Variants in MMP10 observed in about 807,000 individuals in gnomAD.
MMP10 encodes stromelysin-2.
MMP10 carries 50 observed loss-of-function variants against 49.1 expected under a neutral mutation model. That is an observed-to-expected ratio of 1.02 (90% CI 0.81 to 1.29). MMP10 has a LOEUF of 1.29. Ranked by LOEUF, MMP10 falls within the 50% of genes most tolerant of loss-of-function variation. The pLI is 0.00. For missense variants in MMP10, 613 were observed against 563.8 expected, an observed-to-expected ratio of 1.09 and a Z score of -0.88; for synonymous variants, 229 against 201.6, an observed-to-expected ratio of 1.14 and a Z score of -1.15.
At chr11:102,775,785 G>T (rs891494968) in intron 6 of MMP10, among the ~76,000 whole-genome samples, 1 of 152,062 alleles carries the variant, frequency 6.6e-6, no homozygotes, top group African/African-American at 2.4e-5. Context: ...TTAAATAGTA[G>T]CATATATTAG....
rs773398657 is a variant in MMP10 at position 102,772,041 on chromosome 11, G to C, written c.1301C>G (p.Pro434Arg). The C allele has an allele frequency of 1.2e-6, 2 of 1,613,214 alleles. No homozygotes were observed. Among genetic ancestry groups the C allele is most frequent in the Non-Finnish European group, 1.7e-6 (2 of 1,179,344 alleles). The change falls in exon 9 of 10, where the codon CCT (proline) becomes CGT (arginine). Residue 434 changes from proline (P) to arginine (R), a missense_variant. Pro to Arg is a moderately radical substitution (Grantham distance 103). Coordinates refer to ENST00000279441, the MANE Select transcript of MMP10 (RefSeq NM_002425.3). This position sits in a 1 kb window ranked among gnomAD's most constrained non-coding sequence, Gnocchi z 4.4. The stretch of plus-strand genomic sequence containing the variant: ...TGCCTGTAATACAGCATCAACCTTA[G>C]GCTCAACTCCTGGAAAGTCATCAGC... ...LIADDFPGVE[P>R]KVDAVLQAFG...
In MMP10 at chr11:102,778,606, G is replaced by A. The variant is rs17860956; in HGVS notation, c.622+18C>T. The stretch of plus-strand genomic sequence containing the variant: ...TGGACATTATTCCTGAAATGTTCCC[G>A]AGAGGTTTACGACCCACCTGATGCA... On this transcript the variant is annotated intron_variant, in intron 4 of 9. Transcript: ENST00000279441. 1,847 of 1,612,188 alleles carry A rather than the reference G, an allele frequency of 1.1e-3. 23 individuals carry two copies. In the African/African-American group the frequency reaches 0.022, roughly 19 times the overall value.
intron 6 of MMP10, 61 bp from the exon 7 acceptor site, chr11:102,775,382 C>CT (rs969954501): frequency 2.4e-4 from 342 of 1,406,164 alleles, no homozygotes; most frequent in South Asian, 4.6e-4. Context: ...AAAAAAAATT[C>CT]TTTTTTTTTA....
chr11:102,777,376 C>T (rs990394570), intron 4 of MMP10, among the ~76,000 whole-genome samples: 10 of 152,050 alleles, frequency 6.6e-5, no homozygotes, highest in African/African-American at 2.4e-4. Flanking sequence ...GTGCCTCAGC[C>T]TCCTGAGTAG....
chr11:102,772,242 T>C lies in MMP10; in HGVS notation c.1227-127A>G. ...ACTTTTTAAGTTGTGTAAAAAAGTG[T>C]TAAACATTTTTAGAGCTACAAGAAT... On this transcript the variant is annotated intron_variant, in intron 8 of 9. Transcript: ENST00000279441. The surrounding 1 kb of genome is among the most constrained non-coding windows in gnomAD (Gnocchi z 4.4). The C allele has an allele frequency of 1.7e-6, 1 of 592,290 alleles. No homozygotes were observed. Among genetic ancestry groups the C allele is most frequent in the Admixed American group, 3.4e-5 (1 of 29,518 alleles). 36.7% of individuals were successfully genotyped at this position (592,290 alleles called of 1,614,324 possible). A position where few individuals can be genotyped will look rare whatever the true frequency, so the allele number is the denominator to read the frequency against.
rs760626821 is a variant in MMP10 at position 102,776,653 on chromosome 11, C to T, written c.746G>A (p.Arg249His). Residue 249 changes from arginine (R) to histidine (H), a missense_variant, in exon 5 of 10, where the codon CGC becomes CAC. Transcript: ENST00000279441. ...YNSFTELAQF[R>H]LSQDDVNGIQ... ...GCCATTCACATCATCTTGCGAAAGG[C>T]GGAACTGGGCGAGCTCTGTGAATGA... is the stretch of plus-strand genomic sequence containing the variant. 1.5e-5 allele frequency: 24 copies of T among 1,613,378 alleles called. No homozygotes were observed. The highest frequency in any genetic ancestry group is 1.9e-5 in the Non-Finnish European group (23 of 1,179,856).
chr11:102,778,401 T>G (rs1463563825), intron 4 of MMP10, among the ~76,000 whole-genome samples: 1 of 152,164 alleles, frequency 6.6e-6, no homozygotes, highest in Non-Finnish European at 1.5e-5. Flanking sequence ...GGTTGAATGG[T>G]TTTTACAATA....
In MMP10 at chr11:102,779,364, G is replaced by C. The variant is rs372522377; in HGVS notation, c.348-3C>G. On this transcript the variant is annotated splice_polypyrimidine_tract_variant and splice_region_variant and intron_variant, in intron 2 of 9. Coordinates refer to ENST00000279441, the MANE Select transcript of MMP10 (RefSeq NM_002425.3). Reference sequence around the variant, plus strand: ...AATCTGGTGTATAATTCACAATCCTGGAGGAGAAAAATTGAAGAGGATGTT... The same window carrying C: ...AATCTGGTGTATAATTCACAATCCTCGAGGAGAAAAATTGAAGAGGATGTT... 2 of 1,612,784 alleles carry C rather than the reference G, an allele frequency of 1.2e-6. No individual in the cohort carries two copies. The highest frequency in any genetic ancestry group is 1.7e-6 in the Non-Finnish European group (2 of 1,179,716).
At chr11:102,779,932 T>G (rs1857802607) in intron 1 of MMP10, among the ~76,000 whole-genome samples, 187 bp from the exon 2 acceptor site, 1 of 152,200 alleles carries the variant, frequency 6.6e-6, no homozygotes, top group Non-Finnish European at 1.5e-5. Flanking sequence ...AGTTTGCTAG[T>G]CAAGTAAGGA....
At chr11:102,773,991 T>C (rs1176010538) in intron 7 of MMP10, among the ~76,000 whole-genome samples, 1 of 152,282 alleles carries the variant, frequency 6.6e-6, no homozygotes, top group Non-Finnish European at 1.5e-5. Flanking sequence ...GTTAGAGTTA[T>C]GTAATCCTTT....
rs959158439 is a variant in MMP10, at chr11:102,772,574, A to T, written c.1226+273T>A. Reference sequence around the variant, plus strand: ...CACCTGGGCTTCCTATGGCAGCCACATGGTGACTGGAAATGGAATAAGAGG... The same window carrying T: ...CACCTGGGCTTCCTATGGCAGCCACTTGGTGACTGGAAATGGAATAAGAGG... On this transcript the variant is annotated intron_variant, in intron 8 of 9. Coordinates refer to ENST00000279441, the MANE Select transcript of MMP10 (RefSeq NM_002425.3). The surrounding 1 kb of genome is among the most constrained non-coding windows in gnomAD (Gnocchi z 4.4). Among the ~76,000 whole-genome samples the T allele has an allele frequency of 6.6e-6, 1 of 152,204 alleles. No homozygotes were observed. Among genetic ancestry groups the T allele is most frequent in the Non-Finnish European group, 1.5e-5 (1 of 68,024 alleles).
chr11:102,778,549 T>A, intron 4 of MMP10, 75 bp downstream of exon 4: 1 of 1,571,908 alleles, frequency 6.4e-7, no homozygotes, highest in Admixed American at 1.9e-5. Flanking sequence ...TTATTGCTCG[T>A]TCTAGATAAT....
chr11:102,777,451 C>T (rs1456434166), intron 4 of MMP10, among the ~76,000 whole-genome samples: 1 of 151,964 alleles, frequency 6.6e-6, no homozygotes, highest in Non-Finnish European at 1.5e-5. Context: ...GATAAGGTTT[C>T]ACCATGTTGG....
At chr11:102,779,855 A>G in intron 1 of MMP10, 110 bp from the exon 2 acceptor site, 3 of 1,264,708 alleles carry the variant, frequency 2.4e-6, no homozygotes, top group Non-Finnish European at 3.2e-6. Flanking sequence ...AGAGGCTATC[A>G]CATTTAATTT....
rs17860978 is a variant in MMP10, at chr11:102,775,871, T to TA, written c.932+408dup. 6.8e-3 allele frequency among the ~76,000 whole-genome samples: 1,039 copies of TA among 152,134 alleles called. 14 individuals are homozygous for TA. The highest frequency in any genetic ancestry group is 0.024 in the African/African-American group (985 of 41,500). On this transcript the variant is annotated intron_variant, in intron 6 of 9. Coordinates refer to ENST00000279441, the MANE Select transcript of MMP10 (RefSeq NM_002425.3). Reference sequence around the variant, plus strand: ...AGAAGTTCCATGATATATGATATTTTAAAAAAATGAACGAAACAGATATAA... The same window carrying TA: ...AGAAGTTCCATGATATATGATATTTTAAAAAAAATGAACGAAACAGATATAA...
chr11:102,774,819 A>G (rs1176545657), intron 7 of MMP10, among the ~76,000 whole-genome samples: 1 of 152,170 alleles, frequency 6.6e-6, no homozygotes, highest in East Asian at 1.9e-4. Context: ...TCCTCATCTA[A>G]TAAGATGGGT....
intron 7 of MMP10, among the ~76,000 whole-genome samples, chr11:102,773,801 C>A (rs1265371135): frequency 6.6e-6 from 1 of 152,214 alleles, no homozygotes; most frequent in Non-Finnish European, 1.5e-5. Flanking sequence ...CAGGTGCTCC[C>A]ATGGCACCCT....
rs1178183698 is a variant in MMP10 at position 102,777,358 on chromosome 11, C to T, written c.623-582G>A. Among the ~76,000 whole-genome samples, 10 of 151,734 alleles carry T rather than the reference C, an allele frequency of 6.6e-5. No homozygotes were observed. In the South Asian group the frequency reaches 1.0e-3, roughly 16 times the overall value. Reference sequence around the variant, plus strand: ...GCCCAGGCTGGAGTATGTGTCCAAGCGATTCTCGTGCCTCAGCCTCCTGAG... The same window carrying T: ...GCCCAGGCTGGAGTATGTGTCCAAGTGATTCTCGTGCCTCAGCCTCCTGAG... On this transcript the variant is annotated intron_variant, in intron 4 of 9. Coordinates refer to ENST00000279441, the MANE Select transcript of MMP10 (RefSeq NM_002425.3).
chr11:102,773,387 TCA>T (rs1429449877), intron 7 of MMP10, among the ~76,000 whole-genome samples: 2 of 152,188 alleles, frequency 1.3e-5, no homozygotes, highest in East Asian at 3.8e-4. Context: ...TTGAGATATT[TCA>T]CAGTCACCAA....
Sources: allele counts gnomAD v4.1 joint callset (sites outside exome capture counted in the v4.1 genomes callset), GRCh38; gene constraint gnomAD v4.1.1; non-coding constraint Gnocchi (gnomAD v3.1); transcripts MANE v1.5; gene names NCBI Gene and HGNC (gene_info 2026-07-23, HGNC 2026-07-21).